The following SLC25A48 variants were observed in gnomAD, a reference collection of about 807,000 sequenced individuals.
SLC25A48 encodes the protein CTC-321K16.1.
Under a neutral mutation model 32.2 loss-of-function variants are expected in SLC25A48, and 29 were observed. That is an observed-to-expected ratio of 0.90 (90% CI 0.67 to 1.23). The LOEUF (loss-of-function observed/expected upper bound fraction) is 1.23, where lower values mean the gene tolerates loss of function less well. Ranked by LOEUF, SLC25A48 falls within the 50% of genes most tolerant of loss-of-function variation. The pLI, the probability that SLC25A48 is intolerant of heterozygous loss-of-function variation, is 0.00. For synonymous variants in SLC25A48, 164 were observed against 172.3 expected, an observed-to-expected ratio of 0.95 and a Z score of 0.38; for missense variants, 399 against 422.7, an observed-to-expected ratio of 0.94 and a Z score of 0.49.
chr5:135,704,678 A>G (rs1754468532), intron 3 of SLC25A48, among the ~76,000 whole-genome samples: 1 of 152,138 alleles, frequency 6.6e-6, no homozygotes, highest in African/African-American at 2.4e-5. Context: ...TTGGGGGTAG[A>G]TATTATTATT....
chr5:135,808,880 A>T (rs1757529905), intron 3 of SLC25A48, among the ~76,000 whole-genome samples: 1 of 152,154 alleles, frequency 6.6e-6, no homozygotes, highest in Admixed American at 6.6e-5. Flanking sequence ...TGAGAGTTAG[A>T]TTAATCTCTT....
chr5:135,671,578 C>T (rs917170716), intron 3 of SLC25A48: 6 of 152,158 alleles, frequency 3.9e-5, no homozygotes, highest in Non-Finnish European at 5.9e-5. Context: ...AGCCGAGGGT[C>T]GCTGCTCCCA....
At chr5:135,779,199 C>T (rs1003703874) in intron 3 of SLC25A48, among the ~76,000 whole-genome samples, 5 of 151,776 alleles carry the variant, frequency 3.3e-5, no homozygotes, top group Non-Finnish European at 5.9e-5. Flanking sequence ...TGATATTACC[C>T]CCAATATTGC....
intron 4 of SLC25A48, among the ~76,000 whole-genome samples, chr5:135,823,305 A>G (rs866492434): frequency 6.6e-6 from 1 of 152,154 alleles, no homozygotes. Flanking sequence ...TGGGTCTGGC[A>G]TAGTCAATGT....
chr5:135,698,619 A>G (rs1364497310), intron 3 of SLC25A48, among the ~76,000 whole-genome samples: 1 of 152,240 alleles, frequency 6.6e-6, no homozygotes, highest in Non-Finnish European at 1.5e-5. Context: ...TGGAAAGAAT[A>G]TCTTTATAAT....
At chr5:135,788,779 A>C (rs1301948309) in intron 3 of SLC25A48, among the ~76,000 whole-genome samples, 3 of 145,446 alleles carry the variant, frequency 2.1e-5, no homozygotes, top group African/African-American at 7.7e-5. Flanking sequence ...GGTTGGGGAG[A>C]GGGTAATATT....
chr5:135,669,544 A>G (rs1481435858), intron 3 of SLC25A48, among the ~76,000 whole-genome samples: 1 of 152,144 alleles, frequency 6.6e-6, no homozygotes, highest in African/African-American at 2.4e-5. Context: ...GACAACATAG[A>G]CCACGGCTCA....
chr5:135,822,377 G>C (rs1426435457), intron 4 of SLC25A48, among the ~76,000 whole-genome samples: 1 of 152,166 alleles, frequency 6.6e-6, no homozygotes, highest in Non-Finnish European at 1.5e-5. Flanking sequence ...TCACAGTTCT[G>C]AAGGCCAAAA....
At chr5:135,766,426 T>A (rs1756230595) in intron 3 of SLC25A48, among the ~76,000 whole-genome samples, 1 of 151,500 alleles carries the variant, frequency 6.6e-6, no homozygotes, top group Non-Finnish European at 1.5e-5. Flanking sequence ...GTTCATAATA[T>A]CCAGGGAGGG....
At chr5:135,665,896 C>T (rs1459566757) in intron 3 of SLC25A48, among the ~76,000 whole-genome samples, 11 of 152,258 alleles carry the variant, frequency 7.2e-5, no homozygotes, top group African/African-American at 1.7e-4. Context: ...TTGGCCTTCT[C>T]ATGGGACCTT....
intron 3 of SLC25A48, among the ~76,000 whole-genome samples, chr5:135,742,104 G>C (rs184156550): frequency 6.6e-6 from 1 of 152,158 alleles, no homozygotes; most frequent in East Asian, 1.9e-4. Context: ...TTGTATTTGA[G>C]AGTCTCATTC....
At chr5:135,703,494 G>A (rs1017345478) in intron 3 of SLC25A48, among the ~76,000 whole-genome samples, 1 of 152,100 alleles carries the variant, frequency 6.6e-6, no homozygotes, top group African/African-American at 2.4e-5. Flanking sequence ...TTCTAACAGG[G>A]TGGGCATTTT....
chr5:135,691,644 T>C (rs1324773957), intron 3 of SLC25A48, among the ~76,000 whole-genome samples: 1 of 152,214 alleles, frequency 6.6e-6, no homozygotes, highest in East Asian at 1.9e-4. Context: ...TTGGATACTC[T>C]ATAAATGACC....
intron 3 of SLC25A48, among the ~76,000 whole-genome samples, chr5:135,802,080 C>G (rs1045580648): frequency 6.6e-6 from 1 of 151,764 alleles, no homozygotes; most frequent in African/African-American, 2.4e-5. Flanking sequence ...GTACACTCCC[C>G]TGTTCATAAT....
intron 1 of SLC25A48, among the ~76,000 whole-genome samples, chr5:135,603,850 C>T (rs12055269): frequency 0.49 from 74,784 of 151,610 alleles, 18,892 homozygotes; most frequent in African/African-American, 0.61. Context: ...TCTGTCACCT[C>T]CACTGTGAAG....
intron 3 of SLC25A48, among the ~76,000 whole-genome samples, chr5:135,670,899 C>G (rs917054219): frequency 2.0e-5 from 3 of 152,184 alleles, no homozygotes; most frequent in African/African-American, 7.2e-5. Flanking sequence ...TCCCCAGATG[C>G]AAGAGACTTT....
chr5:135,689,845 A>T (rs1224561896), intron 3 of SLC25A48, among the ~76,000 whole-genome samples: 1 of 152,244 alleles, frequency 6.6e-6, no homozygotes, highest in Non-Finnish European at 1.5e-5. Context: ...ATTTTATTCA[A>T]ATTGGCAAAT....
intron 4 of SLC25A48, 22 bp from the exon 5 acceptor site, chr5:135,871,439 C>A (rs767172023): frequency 6.4e-7 from 1 of 1,564,240 alleles, no homozygotes; most frequent in South Asian, 1.2e-5. Context: ...CACTTGCCAC[C>A]TTCTCTCCCC....
At chr5:135,593,012 A>G (rs1052412615) in intron 1 of SLC25A48, among the ~76,000 whole-genome samples, 7 of 152,136 alleles carry the variant, frequency 4.6e-5, no homozygotes, top group African/African-American at 1.7e-4. Flanking sequence ...CTGGAGCTCT[A>G]GCACCTGTCA....
Sources: gnomAD v4.1 joint callset for allele counts (sites outside exome capture counted in the v4.1 genomes callset) on GRCh38, gnomAD v4.1.1 for gene constraint, MANE v1.5 for transcripts, NCBI Gene and HGNC (gene_info 2026-07-23, HGNC 2026-07-21) for gene names.